The following LDLRAD4 variants were observed in gnomAD, a reference collection of about 807,000 sequenced individuals.
LDLRAD4 encodes the protein low-density lipoprotein receptor class A domain-containing protein 4.
In LDLRAD4, 5 loss-of-function variants were observed where a neutral mutation model predicts 17.0. That is an observed-to-expected ratio of 0.29 (90% CI 0.15 to 0.62). The LOEUF (loss-of-function observed/expected upper bound fraction) is 0.62, where lower values mean the gene tolerates loss of function less well. Ranked by LOEUF, LDLRAD4 falls within the 20% of genes least tolerant of loss-of-function variation. The pLI, the probability that LDLRAD4 is intolerant of heterozygous loss-of-function variation, is 0.84. For synonymous variants in LDLRAD4, 168 were observed against 171.8 expected (o/e 0.98, Z 0.17); for missense variants, 340 against 424.7 (o/e 0.80, Z 1.75).
At chr18:13,571,613 T>G (rs1174348957) in intron 3 of LDLRAD4, among the ~76,000 whole-genome samples, 1 of 152,150 alleles carries the variant, frequency 6.6e-6, no homozygotes, top group Admixed American at 6.5e-5. Context: ...AAAAATGATA[T>G]AGAGCAATTA....
At chr18:13,650,642 G>A (rs2043208359) in exon 6 of LDLRAD4, 1 of 327,042 alleles carries the variant, frequency 3.1e-6, no homozygotes, top group East Asian at 4.8e-5. Context: ...TTATTTGTAA[G>A]GTGCTGTATA....
At chr18:13,595,643 C>A (rs938970146) in intron 3 of LDLRAD4, among the ~76,000 whole-genome samples, 7 of 152,278 alleles carry the variant, frequency 4.6e-5, no homozygotes, top group Middle Eastern at 3.4e-3. Flanking sequence ...GCCACCACAC[C>A]CAGCCGAATC....
intron 2 of LDLRAD4, among the ~76,000 whole-genome samples, chr18:13,396,545 G>C (rs1568096363): frequency 6.6e-6 from 1 of 152,164 alleles, no homozygotes; most frequent in Admixed American, 6.5e-5. Flanking sequence ...ATGCAGTGGC[G>C]CCATCGTAGC....
At chr18:13,426,252 G>T (rs932029745) in intron 2 of LDLRAD4, 1 of 152,218 alleles carries the variant, frequency 6.6e-6, no homozygotes, top group East Asian at 1.9e-4. Context: ...AAGTCTACTA[G>T]AAATATTCTC....
chr18:13,276,725 G>A (rs1362639792), upstream of LDLRAD4, among the ~76,000 whole-genome samples: 1 of 152,164 alleles, frequency 6.6e-6, no homozygotes, highest in Admixed American at 6.5e-5. Flanking sequence ...CCCTCGTTGC[G>A]GACTCCTATG....
chr18:13,369,918 T>TGACCACGCCTGCCACCC (rs1468955866), intron 1 of LDLRAD4, among the ~76,000 whole-genome samples: 3 of 152,242 alleles, frequency 2.0e-5, no homozygotes, highest in African/African-American at 7.2e-5. Context: ...CCCTGCAGCC[T>TGACCACGCCTGCCACCC]GACCACGCCT....
intron 3 of LDLRAD4, among the ~76,000 whole-genome samples, chr18:13,523,372 C>T (rs1462910444): frequency 6.6e-6 from 1 of 152,212 alleles, no homozygotes; most frequent in Admixed American, 6.5e-5. Flanking sequence ...AAATGAGCCA[C>T]ACTGTTGGGA....
intron 3 of LDLRAD4, among the ~76,000 whole-genome samples, chr18:13,590,353 G>A (rs115017130): frequency 0.018 from 2,776 of 151,914 alleles, 70 homozygotes; most frequent in African/African-American, 0.062. Flanking sequence ...GTGTGTGTGC[G>A]TGTGCGTGTA....
intron 3 of LDLRAD4, among the ~76,000 whole-genome samples, chr18:13,504,692 T>A (rs7227443): frequency 0.011 from 1,729 of 152,280 alleles, 29 homozygotes; most frequent in African/African-American, 0.04. Flanking sequence ...CTACCCAAAG[T>A]GCTGGGATTA....
intron 3 of LDLRAD4, among the ~76,000 whole-genome samples, chr18:13,478,618 T>G (rs1048625396): frequency 6.6e-6 from 1 of 152,188 alleles, no homozygotes; most frequent in Non-Finnish European, 1.5e-5. Flanking sequence ...ACAAAACTGA[T>G]TAAAGAAGTC....
chr18:13,302,822 A>G (rs1008635702), intron 1 of LDLRAD4, among the ~76,000 whole-genome samples: 1 of 152,240 alleles, frequency 6.6e-6, no homozygotes, highest in African/African-American at 2.4e-5. Context: ...GTTGTGTTAC[A>G]TGCAGTCATG....
chr18:13,324,485 CTGAG>C lies in LDLRAD4; in HGVS notation c.-383+46299_-383+46302del, dbSNP rs201369238. ...ACAAGGTTCTGAAATTACGAACTCT[CTGAG>C]TATGTCCCGAGGACCTTCTATGCGC... On this transcript the variant is annotated intron_variant, in intron 1 of 5. Coordinates refer to ENST00000359446, the Ensembl canonical transcript of LDLRAD4. 4.6e-4 allele frequency among the ~76,000 whole-genome samples: 70 copies of C among 152,280 alleles called. 2 individuals are homozygous for C. In the East Asian group the frequency reaches 0.013, roughly 29 times the overall value.
intron 2 of LDLRAD4, among the ~76,000 whole-genome samples, chr18:13,422,852 A>G (rs2145888508): frequency 6.6e-6 from 1 of 152,314 alleles, no homozygotes; most frequent in African/African-American, 2.4e-5. Context: ...GTGCTGTGCC[A>G]GGCTGTGGGC....
At chr18:13,250,549 A>T (rs1439863505) in intron 1 of LDLRAD4, among the ~76,000 whole-genome samples, 2 of 152,210 alleles carry the variant, frequency 1.3e-5, no homozygotes, top group Admixed American at 1.3e-4. Context: ...AAAAAGTGAA[A>T]CATCACAATG....
intron 1 of LDLRAD4, among the ~76,000 whole-genome samples, chr18:13,338,777 G>A (rs1168183016): frequency 6.6e-6 from 1 of 151,998 alleles, no homozygotes; most frequent in Non-Finnish European, 1.5e-5. Flanking sequence ...GTGTTTTTTT[G>A]TTTGTGTTTA....
chr18:13,343,134 C>A (rs911382861), intron 1 of LDLRAD4, among the ~76,000 whole-genome samples: 2 of 151,958 alleles, frequency 1.3e-5, no homozygotes, highest in African/African-American at 2.4e-5. Context: ...GCACAACGTG[C>A]AGGTTAGTTA....
intron 1 of LDLRAD4, among the ~76,000 whole-genome samples, chr18:13,268,017 A>C (rs1408183911): frequency 6.6e-6 from 1 of 152,176 alleles, no homozygotes; most frequent in Admixed American, 6.5e-5. Flanking sequence ...TACTACCCCC[A>C]GTGCACCTGG....
chr18:13,594,752 A>G (rs954398755), intron 3 of LDLRAD4, among the ~76,000 whole-genome samples: 1 of 150,536 alleles, frequency 6.6e-6, no homozygotes, highest in Non-Finnish European at 1.5e-5. Flanking sequence ...TACTAGAATG[A>G]GTGGGGAAGT....
chr18:13,520,266 G>C (rs2093932483), intron 3 of LDLRAD4: 1 of 152,210 alleles, frequency 6.6e-6, no homozygotes, highest in Admixed American at 6.5e-5. Context: ...TCCCCTGAAA[G>C]TTGGCCCTGT....
Sources: allele counts gnomAD v4.1 joint callset (sites outside exome capture counted in the v4.1 genomes callset), GRCh38; gene constraint gnomAD v4.1.1; transcripts MANE v1.5; gene names NCBI Gene and HGNC (gene_info 2026-07-23, HGNC 2026-07-21).